Variants in MYO15B observed in about 807,000 individuals in gnomAD.
MYO15B encodes the protein myosin XVB pseudogene.
A neutral mutation model predicts 119.3 loss-of-function variants in MYO15B; 207 were observed. That is an observed-to-expected ratio of 1.73 (90% CI 1.55 to 1.95). The LOEUF (loss-of-function observed/expected upper bound fraction) is 1.95. Among genes scored for constraint, MYO15B ranks in the 30% most tolerant of loss-of-function variants. The pLI is 0.00. For synonymous variants in MYO15B, 966 were observed against 498.9 expected (o/e 1.94, Z -12.48); for missense variants, 2,264 against 1,203.1 (o/e 1.88, Z -13.04).
Position 75,617,144 on chromosome 17 carries a change from C to T in MYO15B, c.6654C>T (p.Ala2218=), listed in dbSNP as rs1162055060. ...CAGCTGTGGCTCCTCGACCCAAGGC[C>T]CCGCTACAGCTTGGGCCCTCTAGCT... is the stretch of plus-strand genomic sequence containing the variant. The change falls in exon 41 of 64, where the codon GCC becomes GCT. Residue 2218 remains alanine (A), a synonymous_variant. Coordinates refer to ENST00000645453, the Ensembl canonical transcript of MYO15B. 8 of 686,772 alleles carry T rather than the reference C, an allele frequency of 1.2e-5. No homozygotes were observed. In the East Asian group the frequency reaches 1.9e-4, roughly 16 times the overall value. The allele number at this position is 686,772 out of a possible 1,614,324, so 42.5% of individuals were successfully genotyped here.
exon 53 of MYO15B, chr17:75,622,038 C>G (rs761793876): frequency 2.0e-5 from 14 of 702,868 alleles, no homozygotes; most frequent in South Asian, 5.9e-5. Context: ...AGTCCAAGCC[C>G]CGGGGCAAGG....
At chr17:75,606,156 T>C (rs1369238797) in intron 21 of MYO15B, 135 bp downstream of exon 21, 2 of 578,778 alleles carry the variant, frequency 3.5e-6, no homozygotes, top group African/African-American at 3.7e-5. Context: ...CTCATCGGCA[T>C]GTGACTCTCC....
chr17:75,611,944 C>T, exon 25 of MYO15B: 3 of 703,008 alleles, frequency 4.3e-6, no homozygotes, highest in Non-Finnish European at 7.8e-6. Context: ...AGGTTCCTGC[C>T]CGGCCCAGCC....
intron 61 of MYO15B, 55 bp from the exon 62 acceptor site, chr17:75,625,789 C>T: frequency 1.4e-6 from 1 of 701,292 alleles, no homozygotes. Flanking sequence ...CCAAGCAGAG[C>T]AGGTTCCAGG....
chr17:75,591,338 A>G (rs2056434353), intron 4 of MYO15B, 92 bp downstream of exon 4: 1 of 668,082 alleles, frequency 1.5e-6, no homozygotes, highest in African/African-American at 1.8e-5. Context: ...AGCCACTGGT[A>G]TGCTCCACTG....
chr17:75,590,042 C>G, exon 1 of MYO15B: 1 of 399,008 alleles, frequency 2.5e-6, no homozygotes, highest in Non-Finnish European at 4.4e-6. Context: ...TCCTTGGAGA[C>G]CCGCCTGCAG....
chr17:75,614,275 G>C, exon 30 of MYO15B: 1 of 702,782 alleles, frequency 1.4e-6, no homozygotes, highest in Non-Finnish European at 2.6e-6. Context: ...GGCTGGCTGC[G>C]ACTTTGTGCT....
intron 41 of MYO15B, 92 bp from the exon 42 acceptor site, chr17:75,617,718 G>C (rs1342199798): frequency 4.8e-6 from 3 of 622,846 alleles, no homozygotes; most frequent in South Asian, 1.8e-5. Flanking sequence ...CCCTTGGAAG[G>C]CTCGTGGGGA....
At chr17:75,623,294 C>T (rs2148138188) in intron 53 of MYO15B, among the ~76,000 whole-genome samples, 1 of 152,016 alleles carries the variant, frequency 6.6e-6, no homozygotes, top group East Asian at 1.9e-4. Context: ...CACTGCACTC[C>T]AGCCTGGGTG....
exon 41 of MYO15B, chr17:75,617,111 C>T (rs528901600): frequency 4.4e-6 from 3 of 675,668 alleles, no homozygotes; most frequent in Admixed American, 2.1e-5. Flanking sequence ...CAGGAAAGGG[C>T]CCCCCGCCAG....
Position 75,618,116 on chromosome 17 carries a change from C to T in MYO15B, c.6928-10C>T. On this transcript the variant is annotated splice_polypyrimidine_tract_variant and intron_variant, in intron 42 of 63. Coordinates refer to ENST00000645453, the Ensembl canonical transcript of MYO15B. ...CCCACCGATCTTTGCCCTTCTGTGC[C>T]CTCCTCCAGGTGTTCTACCCACGGG... The T allele has an allele frequency of 2.8e-6, 2 of 703,202 alleles. No homozygotes were observed. Among genetic ancestry groups the T allele is most frequent in the South Asian group, 3.0e-5 (2 of 67,594 alleles). The allele number at this position is 703,202 out of a possible 1,614,324, so 43.6% of individuals were successfully genotyped here.
intron 14 of MYO15B, among the ~76,000 whole-genome samples, chr17:75,598,647 A>G (rs1297842588): frequency 6.6e-6 from 1 of 152,132 alleles, no homozygotes; most frequent in Non-Finnish European, 1.5e-5. Context: ...CATGTACTAT[A>G]TATTGATATA....
intron 49 of MYO15B, 194 bp from the exon 50 acceptor site, chr17:75,620,837 T>G: frequency 1.4e-6 from 1 of 701,926 alleles, no homozygotes; most frequent in Non-Finnish European, 2.6e-6. Flanking sequence ...GGGGCTGGGC[T>G]GGATGCTGCT....
Position 75,589,497 on chromosome 17 carries a change from C to G in MYO15B, c.1440C>G (p.His480Gln). 5.0e-6 allele frequency: 2 copies of G among 397,388 alleles called. No individual in the cohort carries two copies. The highest frequency in any genetic ancestry group is 8.9e-6 in the Non-Finnish European group (2 of 225,702). 24.6% of individuals were successfully genotyped at this position (397,388 alleles called of 1,614,324 possible). Residue 480 changes from histidine (H) to glutamine (Q), a missense_variant, in exon 1 of 64, where the codon CAC (histidine) becomes CAG (glutamine). Physicochemically the swap from His to Gln is conservative, Grantham distance 24 (BLOSUM62 0). Transcript: ENST00000645453. This position sits in a 1 kb window ranked among gnomAD's most constrained non-coding sequence, Gnocchi z 4.2. ...AGAGAGGTGACGAGGGCCGGGACCA[C>G]CAGAGAGGGTACGAGGGGTGGGGCC...
chr17:75,607,440 T>G (rs2057729741), intron 21 of MYO15B, among the ~76,000 whole-genome samples: 1 of 147,780 alleles, frequency 6.8e-6, no homozygotes, highest in South Asian at 2.1e-4. Context: ...TAATTATTAT[T>G]ATTATTATTA....
At chr17:75,595,053 C>T (rs982697720) in intron 12 of MYO15B, 81 bp downstream of exon 12, 2 of 676,230 alleles carry the variant, frequency 3.0e-6, no homozygotes, top group African/African-American at 1.8e-5. Flanking sequence ...AGCTCCAGCT[C>T]TCCCTGGGGG....
intron 42 of MYO15B, 41 bp from the exon 43 acceptor site, chr17:75,618,085 A>C (rs1177882586): frequency 2.8e-6 from 2 of 702,664 alleles, no homozygotes; most frequent in South Asian, 3.0e-5. Flanking sequence ...GGGAAGAGGC[A>C]CCAGACCCAC....
exon 3 of MYO15B, chr17:75,590,985 T>G: frequency 1.7e-6 from 1 of 574,196 alleles, no homozygotes. Context: ...CCAGGCAAGC[T>G]ACCACCCCAG....
At chr17:75,615,592 C>T (rs1417139689) in exon 35 of MYO15B, 1 of 699,736 alleles carries the variant, frequency 1.4e-6, no homozygotes, top group Non-Finnish European at 2.6e-6. Context: ...GCAGCAGGCG[C>T]TAATCCTGGT....
Sources: gnomAD v4.1 joint callset for allele counts (sites outside exome capture counted in the v4.1 genomes callset) on GRCh38, gnomAD v4.1.1 for gene constraint, Gnocchi (gnomAD v3.1) non-coding constraint, MANE v1.5 for transcripts, NCBI Gene and HGNC (gene_info 2026-07-23, HGNC 2026-07-21) for gene names.